RIPK2: variants seen among roughly 807,000 people sequenced by gnomAD.
RIPK2 encodes the protein receptor interacting serine/threonine kinase 2, also known as receptor-interacting serine/threonine-protein kinase 2.
A neutral mutation model predicts 60.9 loss-of-function variants in RIPK2; 38 were observed. The ratio of observed to expected loss-of-function variants is 0.62; its 90% CI spans 0.48 to 0.82. The LOEUF (loss-of-function observed/expected upper bound fraction) is 0.82. Ranked by LOEUF, RIPK2 falls within the 40% of genes least tolerant of loss-of-function variation. RIPK2 has a pLI of 0.00. For synonymous variants in RIPK2, 225 were observed against 223.4 expected (o/e 1.01, Z -0.06); for missense variants, 518 against 647.0 (o/e 0.80, Z 2.16).
rs143142068 is a variant in RIPK2, at chr8:89,766,139, T to A, written c.483+643T>A. ...GATTGGCTTTGTTCACGTCACATAA[T>A]GCTCTTGTGATCCGTCTAAGTTGTG... On this transcript the variant is annotated intron_variant, in intron 3 of 10. Coordinates refer to ENST00000220751, the MANE Select transcript of RIPK2 (RefSeq NM_003821.6). Among the ~76,000 whole-genome samples the A allele has an allele frequency of 3.1e-3, 465 of 152,046 alleles. 2 individuals carry two copies. Among genetic ancestry groups the A allele is most frequent in the Non-Finnish European group, 4.3e-3 (295 of 67,852 alleles).
chr8:89,766,079 A>G (rs1024355260), intron 3 of RIPK2, among the ~76,000 whole-genome samples: 7 of 151,868 alleles, frequency 4.6e-5, no homozygotes, highest in East Asian at 1.9e-4. Flanking sequence ...TGAAAATGCT[A>G]TATAAGTGGA....
At chr8:89,777,367 A>G (rs563417776) in intron 6 of RIPK2, among the ~76,000 whole-genome samples, 1 of 152,368 alleles carries the variant, frequency 6.6e-6, no homozygotes, top group East Asian at 1.9e-4. Flanking sequence ...ACCCTTCCTC[A>G]TGGCTCTGGA....
At position 89,758,333 on chromosome 8, in the gene RIPK2, T is replaced by G. The variant is rs979916617; in HGVS notation, c.173+100T>G. ...TAGAGCCCAAATGGCAGTGACCGCT[T>G]GGGGCCGGCCTCACCTCGTCACCTC... On this transcript the variant is annotated intron_variant, in intron 1 of 10. Transcript: ENST00000220751. 227 of 1,283,742 alleles carry G rather than the reference T, an allele frequency of 1.8e-4. 2 individuals carry two copies. The highest frequency in any genetic ancestry group is 1.8e-5 in the Non-Finnish European group (17 of 951,640). The allele number at this position is 1,283,742 out of a possible 1,614,324, so 79.5% of individuals were successfully genotyped here.
In RIPK2 at chr8:89,763,336, C is replaced by A. The variant is rs1809175568; in HGVS notation, c.327+354C>A. Among the ~76,000 whole-genome samples the A allele has an allele frequency of 3.3e-5, 5 of 152,120 alleles. No homozygotes were observed. In the South Asian group the frequency reaches 1.0e-3, roughly 32 times the overall value. On this transcript the variant is annotated intron_variant, in intron 2 of 10. Coordinates refer to ENST00000220751, the MANE Select transcript of RIPK2 (RefSeq NM_003821.6). ...TTTTATTTTATATTAATAGCAATTT[C>A]AAATTCAAATTTAATGTTATTAATA...
At chr8:89,764,686 T>A (rs948873432) in intron 2 of RIPK2, among the ~76,000 whole-genome samples, 2 of 152,134 alleles carry the variant, frequency 1.3e-5, no homozygotes, top group African/African-American at 2.4e-5. Flanking sequence ...ATGTGTCTGT[T>A]CTATACAGTT....
intron 9 of RIPK2, among the ~76,000 whole-genome samples, chr8:89,788,310 T>C (rs1563619962): frequency 6.6e-6 from 1 of 151,262 alleles, no homozygotes; most frequent in Non-Finnish European, 1.5e-5. Flanking sequence ...GCCACTGCAC[T>C]CCATCCTGAG....
chr8:89,774,799 G>T lies in RIPK2; in HGVS notation c.853+1971G>T, dbSNP rs556330355. 1.4e-4 allele frequency among the ~76,000 whole-genome samples: 21 copies of T among 152,098 alleles called. 1 individual carries two copies. The highest frequency in any genetic ancestry group is 4.1e-4 in the South Asian group (2 of 4,826). ...AGAGGACCCATAGTAAAGCTCTGAG[G>T]CATTCCAGCACTTAGAAATTGAGAA... On this transcript the variant is annotated intron_variant, in intron 6 of 10. Coordinates refer to ENST00000220751, the MANE Select transcript of RIPK2 (RefSeq NM_003821.6).
chr8:89,776,812 A>G (rs2130568523), intron 6 of RIPK2, among the ~76,000 whole-genome samples: 1 of 152,346 alleles, frequency 6.6e-6, no homozygotes, highest in South Asian at 2.1e-4. Flanking sequence ...TCTGGCCAAG[A>G]TGGAGTAACT....
intron 6 of RIPK2, among the ~76,000 whole-genome samples, chr8:89,777,869 G>A (rs1291416400): frequency 2.0e-5 from 3 of 151,902 alleles, no homozygotes; most frequent in Non-Finnish European, 4.4e-5. Flanking sequence ...CAGATTCTGG[G>A]AACCTGAAAG....
In RIPK2 at chr8:89,765,590, CTCCTT is replaced by C. The variant is rs1809213936; in HGVS notation, c.483+95_483+99del. ...CTTCGACCTAGCCAATTTCATGTCT[CTCCTT>C]AGAGATAGAGACTAATGAATAGTAA... On this transcript the variant is annotated intron_variant, in intron 3 of 10. Coordinates refer to ENST00000220751, the MANE Select transcript of RIPK2 (RefSeq NM_003821.6). 9.5e-6 allele frequency: 7 copies of C among 736,426 alleles called. No individual in the cohort carries two copies. In the Admixed American group the frequency reaches 1.7e-4, roughly 18 times the overall value. 45.6% of individuals were successfully genotyped at this position (736,426 alleles called of 1,614,324 possible). A position where few individuals can be genotyped will look rare whatever the true frequency, so the allele number is the denominator to read the frequency against.
At chr8:89,763,172 A>G (rs978561129) in intron 2 of RIPK2, among the ~76,000 whole-genome samples, 190 bp downstream of exon 2, 7 of 152,184 alleles carry the variant, frequency 4.6e-5, no homozygotes, top group African/African-American at 1.7e-4. Flanking sequence ...CTGTGGATTC[A>G]GGCCCTGTAC....
Position 89,769,789 on chromosome 8 carries a change from A to C in RIPK2, c.501A>C (p.Leu167Phe). The C allele has an allele frequency of 6.2e-6, 10 of 1,600,060 alleles. No individual in the cohort carries two copies. The highest frequency in any genetic ancestry group is 8.5e-6 in the Non-Finnish European group (10 of 1,174,494). ...EFHVKIADFG[L>F]SKWRMMSLSQ... ...CCTTACAGATTGCAGATTTTGGTTT[A>C]TCAAAGTGGCGCATGATGTCCCTCT... Residue 167 changes from leucine to phenylalanine, a missense_variant, in exon 4 of 11, where the codon TTA (leucine) becomes TTC (phenylalanine). This residue lies in a region of RIPK2 where 448 missense variants were observed against 534.7 expected (regional missense o/e 0.84). Coordinates refer to ENST00000220751, the MANE Select transcript of RIPK2 (RefSeq NM_003821.6).
chr8:89,788,375 A>T (rs933134515), intron 9 of RIPK2, among the ~76,000 whole-genome samples: 2 of 152,064 alleles, frequency 1.3e-5, no homozygotes. Flanking sequence ...AACAAGTTTT[A>T]GAGTTAAGAC....
intron 6 of RIPK2, among the ~76,000 whole-genome samples, chr8:89,775,936 T>C (rs1351497656): frequency 6.6e-6 from 1 of 152,234 alleles, no homozygotes; most frequent in Non-Finnish European, 1.5e-5. Flanking sequence ...AAGATAGATG[T>C]TGATCAGAAT....
chr8:89,784,143 A>T lies in RIPK2; in HGVS notation c.1029+4A>T, dbSNP rs1325895977. The T allele has an allele frequency of 1.9e-4, 32 of 166,182 alleles. No homozygotes were observed. The highest frequency in any genetic ancestry group is 2.3e-4 in the Non-Finnish European group (23 of 98,748). The allele number at this position is 166,182 out of a possible 1,614,324, so 10.3% of individuals were successfully genotyped here. A position where few individuals can be genotyped will look rare whatever the true frequency, so the allele number is the denominator to read the frequency against. On this transcript the variant is annotated splice_donor_region_variant and intron_variant, in intron 8 of 10. Transcript: ENST00000220751. ...TGTAAATCATGGTCCACAAGAGGTA[A>T]AAAAAAAAAAAAAAAAAAAAAGGTT...
intron 8 of RIPK2, among the ~76,000 whole-genome samples, chr8:89,785,220 A>G (rs900983197): frequency 3.9e-5 from 6 of 152,210 alleles, no homozygotes; most frequent in African/African-American, 1.4e-4. Flanking sequence ...CAAGTCTGTG[A>G]TCCCAGAACT....
rs1345811828 is a variant in RIPK2 at position 89,790,536 on chromosome 8, T to C, written c.*120T>C. The C allele has an allele frequency of 1.4e-6, 1 of 697,422 alleles. No homozygotes were observed. The highest frequency in any genetic ancestry group is 2.3e-6 in the Non-Finnish European group (1 of 432,094). 43.2% of individuals were successfully genotyped at this position (697,422 alleles called of 1,614,324 possible). ...CTTTATTGAAGGTTCTTTGGGTAAATATTAGTCTCCCTCCATGACACTGCA... is the reference window on the plus strand; with the variant it reads ...CTTTATTGAAGGTTCTTTGGGTAAACATTAGTCTCCCTCCATGACACTGCA... On this transcript the variant is annotated 3_prime_UTR_variant, in exon 11 of 11. Transcript: ENST00000220751.
At chr8:89,778,216 A>G (rs930698143) in intron 6 of RIPK2, among the ~76,000 whole-genome samples, 5 of 152,184 alleles carry the variant, frequency 3.3e-5, no homozygotes, top group Non-Finnish European at 7.4e-5. Context: ...ATATTCTGAA[A>G]ATGGATTTAA....
chr8:89,789,296 C>G, intron 9 of RIPK2, 25 bp from the exon 10 acceptor site: 2 of 1,604,452 alleles, frequency 1.2e-6, no homozygotes, highest in Non-Finnish European at 8.5e-7. Context: ...TATTCTACTT[C>G]TAATGAAGAT....
Sources: allele counts gnomAD v4.1 joint callset (sites outside exome capture counted in the v4.1 genomes callset), GRCh38; gene constraint gnomAD v4.1.1; regional missense constraint gnomAD v4.1.1; transcripts MANE v1.5; gene names NCBI Gene and HGNC (gene_info 2026-07-23, HGNC 2026-07-21).